The following ATP6V0D1 variants were observed in gnomAD, a reference collection of about 807,000 sequenced individuals.
ATP6V0D1 encodes the protein V-type proton ATPase subunit d 1.
In ATP6V0D1, 13 loss-of-function variants were observed where a neutral mutation model predicts 39.0. That is an observed-to-expected ratio of 0.33 (90% CI 0.22 to 0.53). ATP6V0D1 has a LOEUF of 0.53. Ranked by LOEUF, ATP6V0D1 falls within the 20% of genes least tolerant of loss-of-function variation. The pLI is 0.94. For missense variants in ATP6V0D1, 272 were observed against 470.9 expected (o/e 0.58, Z 3.91); for synonymous variants, 191 against 191.2 (o/e 1.00, Z 0.01).
At position 67,456,267 on chromosome 16, in the gene ATP6V0D1, G is replaced by A. The variant is rs971164689; in HGVS notation, c.131-2552C>T. ...CTGCCTCAGCCTCCCAAAGTGCTGC[G>A]ATTACAGGCGTGAACCACGTGTGCA... is the stretch of plus-strand genomic sequence containing the variant. On this transcript the variant is annotated intron_variant, in intron 1 of 7. Coordinates refer to ENST00000290949, the MANE Select transcript of ATP6V0D1 (RefSeq NM_004691.5). The surrounding 1 kb of genome is among the most constrained non-coding windows in gnomAD (Gnocchi z 4.1). 6.6e-6 allele frequency: 1 copy of A among 152,138 alleles called. No individual in the cohort carries two copies. The highest frequency in any genetic ancestry group is 2.4e-5 in the African/African-American group (1 of 41,414). 9.4% of individuals were successfully genotyped at this position (152,138 alleles called of 1,614,324 possible).
At position 67,444,408 on chromosome 16, in the gene ATP6V0D1, A is replaced by C. The variant is rs950705136; in HGVS notation, c.481+120T>G. 9.8e-7 allele frequency: 1 copy of C among 1,020,436 alleles called. No individual in the cohort carries two copies. Among genetic ancestry groups the C allele is most frequent in the Non-Finnish European group, 1.4e-6 (1 of 715,164 alleles). 63.2% of individuals were successfully genotyped at this position (1,020,436 alleles called of 1,614,324 possible). A position where few individuals can be genotyped will look rare whatever the true frequency, so the allele number is the denominator to read the frequency against. ...AAGTTGAAGGGAGACAAAGGTAAGC[A>C]GCAGTGGGCAGGTCTCACTTTCTGG... On this transcript the variant is annotated intron_variant, in intron 3 of 7. Coordinates refer to ENST00000290949, the MANE Select transcript of ATP6V0D1 (RefSeq NM_004691.5). This position sits in a 1 kb window ranked among gnomAD's most constrained non-coding sequence, Gnocchi z 4.8.
rs763007863 is a variant in ATP6V0D1, at chr16:67,438,629, C to T, written c.955G>A (p.Val319Met). ...QFHFGVFYAF[V>M]KLKEQECRNI... ...CGACACTCCTGCTCCTTGAGCTTCA[C>T]GAAGGCATAGAAGACACCAAAGTGG... The change falls in exon 8 of 8, where the codon GTG becomes ATG. Residue 319 changes from valine to methionine, a missense_variant. Transcript: ENST00000290949. 3.1e-6 allele frequency: 5 copies of T among 1,614,088 alleles called. No individual in the cohort carries two copies. Among genetic ancestry groups the T allele is most frequent in the Admixed American group, 1.7e-5 (1 of 60,008 alleles).
intron 1 of ATP6V0D1, among the ~76,000 whole-genome samples, chr16:67,468,659 G>A: frequency 6.6e-6 from 1 of 151,984 alleles, no homozygotes; most frequent in Non-Finnish European, 1.5e-5. Flanking sequence ...GCAGGGAAAT[G>A]AGACTAATAT....
rs1436232755 is a variant in ATP6V0D1, at chr16:67,438,551, C to T, written c.1033G>A (p.Asp345Asn). ...CGCTAGAAGATAGGGATGTAGTTGT[C>T]GATTTTGGCGCGGTGGCGCTGGGCG... ...CIAQRHRAKI[D>N]NYIPIF Residue 345 changes from aspartate to asparagine, a missense_variant, in exon 8 of 8, where the codon GAC (aspartate) becomes AAC (asparagine). This residue lies in a region of ATP6V0D1 where 35 missense variants were observed against 84.6 expected (regional missense o/e 0.41). Coordinates refer to ENST00000290949, the MANE Select transcript of ATP6V0D1 (RefSeq NM_004691.5). The T allele has an allele frequency of 5.6e-6, 9 of 1,614,152 alleles. No homozygotes were observed. Among genetic ancestry groups the T allele is most frequent in the South Asian group, 1.1e-5 (1 of 91,078 alleles).
chr16:67,463,086 C>T (rs1005108426), intron 1 of ATP6V0D1, among the ~76,000 whole-genome samples: 2 of 152,168 alleles, frequency 1.3e-5, no homozygotes, highest in East Asian at 3.8e-4. Context: ...GCCAGTTCCA[C>T]GGTGCCTAGA....
intron 1 of ATP6V0D1, among the ~76,000 whole-genome samples, chr16:67,459,925 C>T (rs1400475698): frequency 1.3e-5 from 2 of 152,368 alleles, no homozygotes; most frequent in East Asian, 1.9e-4. Flanking sequence ...GCCTCATGGC[C>T]GGCCCATGGA....
At chr16:67,460,534 A>G (rs1010241276) in intron 1 of ATP6V0D1, among the ~76,000 whole-genome samples, 3 of 152,190 alleles carry the variant, frequency 2.0e-5, no homozygotes, top group African/African-American at 7.2e-5. Flanking sequence ...CCTGCAGCAC[A>G]GTATGAGTGT....
chr16:67,452,179 GCAC>G (rs1238185922), intron 2 of ATP6V0D1: 45 of 1,516,938 alleles, frequency 3.0e-5, no homozygotes, highest in South Asian at 1.2e-4. Context: ...CCCTAATGTA[GCAC>G]CACAAGAGAC....
At position 67,481,137 on chromosome 16, in the gene ATP6V0D1, T is replaced by C. The variant is rs776041212; in HGVS notation, c.-51A>G. 17 of 1,609,792 alleles carry C rather than the reference T, an allele frequency of 1.1e-5. No homozygotes were observed. Among genetic ancestry groups the C allele is most frequent in the Non-Finnish European group, 1.3e-5 (15 of 1,177,370 alleles). On this transcript the variant is annotated 5_prime_UTR_variant, in exon 1 of 8. Coordinates refer to ENST00000290949, the MANE Select transcript of ATP6V0D1 (RefSeq NM_004691.5). ...GAGAACCAGGACCGGCCGGCACGAA[T>C]CGCGACTCCCCAGGTCAGCTGACGC...
chr16:67,459,912 A>G (rs1301598700), intron 1 of ATP6V0D1, among the ~76,000 whole-genome samples: 1 of 152,232 alleles, frequency 6.6e-6, no homozygotes, highest in Non-Finnish European at 1.5e-5. Context: ...AGGCTCCCCC[A>G]TGGCCTCATG....
At chr16:67,465,125 A>T (rs1216096582) in intron 1 of ATP6V0D1, among the ~76,000 whole-genome samples, 1 of 152,218 alleles carries the variant, frequency 6.6e-6, no homozygotes, top group Non-Finnish European at 1.5e-5. Context: ...TAGATTTTTT[A>T]AAACATCAGC....
At chr16:67,455,562 C>A (rs1235793928) in intron 1 of ATP6V0D1, 2 of 152,162 alleles carry the variant, frequency 1.3e-5, no homozygotes, top group South Asian at 4.1e-4. Flanking sequence ...CATTACTCTG[C>A]AATTGACCAC....
chr16:67,476,500 T>C (rs984811548), intron 1 of ATP6V0D1, among the ~76,000 whole-genome samples: 2 of 152,178 alleles, frequency 1.3e-5, no homozygotes, highest in Admixed American at 6.5e-5. Flanking sequence ...CTGGTAACTA[T>C]TGGAAAGAAA....
chr16:67,443,178 G>T lies in ATP6V0D1; in HGVS notation c.482C>A (p.Ala161Glu). The change falls in exon 4 of 8, where the codon GCG (alanine) becomes GAG (glutamate). Residue 161 changes from alanine to glutamate, a missense_variant and splice_region_variant. Physicochemically the swap from Ala to Glu is moderately radical, Grantham distance 107 (BLOSUM62 -1). Coordinates refer to ENST00000290949, the MANE Select transcript of ATP6V0D1 (RefSeq NM_004691.5). The stretch of plus-strand genomic sequence containing the variant: ...TGAAATGCAGTCCTGGAAAAAAGCC[G>T]CTGGGGAGGAAACATGGTTTGAGGG... ...YNAILVDTPLAAFFQDCISEQ... is the reference protein window; with the variant it reads ...YNAILVDTPLEAFFQDCISEQ... The T allele has an allele frequency of 6.2e-7, 1 of 1,613,948 alleles. No homozygotes were observed. The highest frequency in any genetic ancestry group is 8.5e-7 in the Non-Finnish European group (1 of 1,179,970).
rs1371449353 is a variant in ATP6V0D1, at chr16:67,447,808, T to G, written c.303-3102A>C. On this transcript the variant is annotated intron_variant, in intron 2 of 7. Coordinates refer to ENST00000290949, the MANE Select transcript of ATP6V0D1 (RefSeq NM_004691.5). This position sits in a 1 kb window ranked among gnomAD's most constrained non-coding sequence, Gnocchi z 4.1. ...TGCCACCTGCTGGAACAATATGGCT[T>G]CTCAACCCCGGGTGGCTGGTCTGGT... Among the ~76,000 whole-genome samples the G allele has an allele frequency of 6.6e-6, 1 of 152,224 alleles. No individual in the cohort carries two copies. Among genetic ancestry groups the G allele is most frequent in the South Asian group, 2.1e-4 (1 of 4,834 alleles).
chr16:67,453,527 C>CTT lies in ATP6V0D1; in HGVS notation c.302+16_302+17insAA, dbSNP rs771204271. 2.0e-5 allele frequency: 32 copies of CTT among 1,613,576 alleles called. 1 individual carries two copies. In the South Asian group the frequency reaches 3.3e-4, roughly 17 times the overall value. On this transcript the variant is annotated intron_variant, in intron 2 of 7. Coordinates refer to ENST00000290949, the MANE Select transcript of ATP6V0D1 (RefSeq NM_004691.5). This position sits in a 1 kb window ranked among gnomAD's most constrained non-coding sequence, Gnocchi z 4.1. ...CCTGCCCAGGTAAGAGAAGAAGGCG[C>CTT]TACAAAGCACACTCACGTAATGAAG...
chr16:67,439,176 G>A, intron 5 of ATP6V0D1, 29 bp from the exon 6 acceptor site: 1 of 1,613,646 alleles, frequency 6.2e-7, no homozygotes, highest in Non-Finnish European at 8.5e-7. Flanking sequence ...GGTAAGAAGA[G>A]AGGGAGGAAG....
chr16:67,470,399 C>T (rs1032665166), intron 1 of ATP6V0D1, among the ~76,000 whole-genome samples: 1 of 152,226 alleles, frequency 6.6e-6, no homozygotes, highest in Non-Finnish European at 1.5e-5. Context: ...GGAAGAGACA[C>T]GGCAGGAATC....
At chr16:67,466,643 C>G (rs374826301) in intron 1 of ATP6V0D1, among the ~76,000 whole-genome samples, 2 of 152,104 alleles carry the variant, frequency 1.3e-5, no homozygotes, top group East Asian at 1.9e-4. Context: ...TGAGACCAGA[C>G]TGGCCAACAT....
Sources: gnomAD v4.1 joint callset for allele counts (sites outside exome capture counted in the v4.1 genomes callset) on GRCh38, gnomAD v4.1.1 for gene constraint, gnomAD v4.1.1 regional missense constraint, Gnocchi (gnomAD v3.1) non-coding constraint, MANE v1.5 for transcripts, NCBI Gene and HGNC (gene_info 2026-07-23, HGNC 2026-07-21) for gene names.